The following ANKRD18B variants were observed in gnomAD, a reference collection of about 807,000 sequenced individuals.
ANKRD18B encodes the protein ankyrin repeat domain-containing protein 18B.
In ANKRD18B, 75 loss-of-function variants were observed where a neutral mutation model predicts 111.8. The observed-to-expected ratio is 0.67, with a 90% confidence interval of 0.56 to 0.81. ANKRD18B has a LOEUF of 0.81. ANKRD18B is among the 40% of genes least tolerant of loss of function. ANKRD18B has a pLI of 0.00. For missense variants in ANKRD18B, 1,038 were observed against 1,225.5 expected (o/e 0.85, Z 2.28); for synonymous variants, 356 against 417.3 (o/e 0.85, Z 1.79).
chr9:33,529,310 T>C (rs1464443539), intron 3 of ANKRD18B, 137 bp downstream of exon 3: 6 of 1,288,186 alleles, frequency 4.7e-6, no homozygotes, highest in Non-Finnish European at 6.2e-6. Context: ...AAATTTTACT[T>C]TAAATGTTGA....
At position 33,550,488 on chromosome 9, in the gene ANKRD18B, C is replaced by T. The variant is rs1563904648; in HGVS notation, c.2126C>T (p.Ser709Leu). The T allele has an allele frequency of 6.5e-7, 1 of 1,548,114 alleles. No individual in the cohort carries two copies. The highest frequency in any genetic ancestry group is 8.7e-7 in the Non-Finnish European group (1 of 1,145,412). The stretch of plus-strand genomic sequence containing the variant: ...GATCATCTTAAAAAATTTTCAATGT[C>T]AGAGTCTCCACTGGAAGGTACATCA... ...LVDHLKKFSM[S>L]ESPLEGTSHC... is the part of the protein sequence containing the mutation. The change falls in exon 12 of 19, where the codon TCA (serine) becomes TTA (leucine). Residue 709 changes from serine (S) to leucine (L), a missense_variant. Ser to Leu is a moderately radical substitution (Grantham distance 145, BLOSUM62 -2). Transcript: ENST00000684830.
At chr9:33,532,981 A>G (rs1828139231) in intron 3 of ANKRD18B, among the ~76,000 whole-genome samples, 1 of 152,108 alleles carries the variant, frequency 6.6e-6, no homozygotes, top group South Asian at 2.1e-4. Flanking sequence ...TAAAACAACT[A>G]CTCTTTGAAA....
chr9:33,535,285 T>G (rs1181159018), intron 5 of ANKRD18B, among the ~76,000 whole-genome samples: 1 of 151,800 alleles, frequency 6.6e-6, no homozygotes, highest in East Asian at 1.9e-4. Context: ...TGTTTTGTTT[T>G]GTTTTGTTTT....
rs1291105963 is a variant in ANKRD18B at position 33,537,357 on chromosome 9, AT to A, written c.808+413del. Among the ~76,000 whole-genome samples the A allele has an allele frequency of 2.6e-5, 4 of 152,120 alleles. No homozygotes were observed. In the East Asian group the frequency reaches 7.7e-4, roughly 29 times the overall value. ...AATCATAAAAGAGCAGTTTAAAAAA[AT>A]ATGTTTATATATAAATTAATTTTTT... is the stretch of plus-strand genomic sequence containing the variant. On this transcript the variant is annotated intron_variant, in intron 6 of 18. Coordinates refer to ENST00000684830, the MANE Select transcript of ANKRD18B (RefSeq NM_001393611.1).
At chr9:33,569,055 T>C in intron 17 of ANKRD18B, 162 bp downstream of exon 17, 1 of 639,772 alleles carries the variant, frequency 1.6e-6, no homozygotes, top group Non-Finnish European at 2.3e-6. Flanking sequence ...TTACATTTTT[T>C]AATTCCCTGG....
intron 12 of ANKRD18B, among the ~76,000 whole-genome samples, chr9:33,554,123 C>T (rs2477414): frequency 0.097 from 13,260 of 136,298 alleles, 619 homozygotes; most frequent in South Asian, 0.11. Flanking sequence ...AATATACTGG[C>T]CCAAAAAAGA....
chr9:33,548,922 G>T (rs1828407694), intron 11 of ANKRD18B, 67 bp downstream of exon 11: 1 of 1,332,730 alleles, frequency 7.5e-7, no homozygotes, highest in South Asian at 1.7e-5. Flanking sequence ...GCTATATGTT[G>T]AACGTAGTTC....
At chr9:33,524,768 G>A (rs1828002975) in intron 1 of ANKRD18B, 73 bp downstream of exon 1, 2 of 1,485,236 alleles carry the variant, frequency 1.3e-6, no homozygotes, top group South Asian at 2.7e-5. Context: ...AGGCGGGGTC[G>A]TCGGAGTTCG....
intron 11 of ANKRD18B, among the ~76,000 whole-genome samples, chr9:33,549,870 C>T (rs1336192521): frequency 3.9e-5 from 6 of 152,090 alleles, no homozygotes; most frequent in Admixed American, 2.6e-4. Flanking sequence ...TCATAATTTA[C>T]ATTTTAAGTC....
At chr9:33,563,581 G>A (rs1296042784) in intron 14 of ANKRD18B, among the ~76,000 whole-genome samples, 3 of 150,100 alleles carry the variant, frequency 2.0e-5, no homozygotes, top group Non-Finnish European at 4.4e-5. Flanking sequence ...CTATTCATTA[G>A]GAGAAGGCCA....
At chr9:33,573,661 A>T (rs1448531985), downstream of ANKRD18B, among the ~76,000 whole-genome samples, 1 of 137,466 alleles carries the variant, frequency 7.3e-6, no homozygotes, top group Non-Finnish European at 1.6e-5. Flanking sequence ...GCCCAAGAAA[A>T]CCCCCCGGGC....
intron 5 of ANKRD18B, among the ~76,000 whole-genome samples, chr9:33,535,337 G>A (rs1828180418): frequency 6.6e-6 from 1 of 152,050 alleles, no homozygotes; most frequent in African/African-American, 2.4e-5. Flanking sequence ...CCAGGCTGGA[G>A]TGCAGTGGCG....
intron 1 of ANKRD18B, among the ~76,000 whole-genome samples, chr9:33,527,573 G>A (rs1389518898): frequency 1.3e-5 from 2 of 152,190 alleles, no homozygotes; most frequent in African/African-American, 4.8e-5. Context: ...ACCCGCCTTG[G>A]CCTCCCAAAA....
At chr9:33,557,312 T>G (rs554449926) in intron 13 of ANKRD18B, among the ~76,000 whole-genome samples, 2 of 152,192 alleles carry the variant, frequency 1.3e-5, no homozygotes, top group Non-Finnish European at 2.9e-5. Flanking sequence ...GGTGTACTTT[T>G]TTTTCTTCTT....
At chr9:33,547,886 C>T (rs41303231) in intron 10 of ANKRD18B, 52 bp from the exon 11 acceptor site, 16,361 of 1,214,374 alleles carry the variant, frequency 0.013, 149 homozygotes, top group Non-Finnish European at 0.015. Context: ...TCAGAAATAA[C>T]CATCATAGAT....
rs1317471165 is a variant in ANKRD18B, at chr9:33,555,771, G to A, written c.2281G>A (p.Ala761Thr). 3 of 1,417,288 alleles carry A rather than the reference G, an allele frequency of 2.1e-6. No homozygotes were observed. In the Admixed American group the frequency reaches 9.4e-5, roughly 45 times the overall value. 87.8% of individuals were successfully genotyped at this position (1,417,288 alleles called of 1,614,324 possible). The change falls in exon 13 of 19, where the codon GCG becomes ACG. Residue 761 changes from alanine to threonine, a missense_variant. By Grantham distance (58) the Ala-to-Thr change is moderately conservative. Coordinates refer to ENST00000684830, the MANE Select transcript of ANKRD18B (RefSeq NM_001393611.1). The stretch of plus-strand genomic sequence containing the variant: ...ATTAATATCATTACTGAACTATACT[G>A]CGGATCAAATAAGAAAGAAAAATCG... ...FELISLLNYT[A>T]DQIRKKNREL...
At chr9:33,560,042 T>A (rs1828583574) in intron 14 of ANKRD18B, among the ~76,000 whole-genome samples, 1 of 152,182 alleles carries the variant, frequency 6.6e-6, no homozygotes, top group Admixed American at 6.5e-5. Context: ...AAAAAGCAAG[T>A]GGTCGACTGG....
In ANKRD18B at chr9:33,535,854, T is replaced by C. The variant is rs568712009; in HGVS notation, c.741-1024T>C. Among the ~76,000 whole-genome samples, 27 of 148,750 alleles carry C rather than the reference T, an allele frequency of 1.8e-4. No homozygotes were observed. The South Asian group carries it at 5.2e-3, about 29-fold the overall frequency. On this transcript the variant is annotated intron_variant, in intron 5 of 18. Coordinates refer to ENST00000684830, the MANE Select transcript of ANKRD18B (RefSeq NM_001393611.1). Reference sequence around the variant, plus strand: ...GATTATATAATCTCTTATATTATAATGAAAATCATTATAAAAGTATTCATG... The same window carrying C: ...GATTATATAATCTCTTATATTATAACGAAAATCATTATAAAAGTATTCATG...
chr9:33,550,927 T>G (rs892029882), intron 12 of ANKRD18B, among the ~76,000 whole-genome samples: 2 of 152,200 alleles, frequency 1.3e-5, no homozygotes, highest in African/African-American at 2.4e-5. Flanking sequence ...CAGAAGAGAA[T>G]GTTTAATGGA....
Sources: allele counts gnomAD v4.1 joint callset (sites outside exome capture counted in the v4.1 genomes callset), GRCh38; gene constraint gnomAD v4.1.1; transcripts MANE v1.5; gene names NCBI Gene and HGNC (gene_info 2026-07-23, HGNC 2026-07-21).